Variants in IPO11 observed in about 807,000 individuals in gnomAD.
IPO11 encodes the protein importin-11.
In IPO11, 66 loss-of-function variants were observed where a neutral mutation model predicts 143.2. The ratio of observed to expected loss-of-function variants is 0.46; its 90% CI spans 0.38 to 0.57. The LOEUF is 0.57. Ranked by LOEUF, IPO11 falls within the 20% of genes least tolerant of loss-of-function variation. The pLI, the probability that IPO11 is intolerant of heterozygous loss-of-function variation, is 0.00. For missense variants in IPO11, 1,026 were observed against 1,141.0 expected, an observed-to-expected ratio of 0.90 and a Z score of 1.45; for synonymous variants, 385 against 377.8, an observed-to-expected ratio of 1.02 and a Z score of -0.22.
At chr5:62,481,015 A>C (rs973521770) in intron 9 of IPO11, among the ~76,000 whole-genome samples, 1 of 138,580 alleles carries the variant, frequency 7.2e-6, no homozygotes, top group Non-Finnish European at 1.5e-5. Context: ...TCCTGGGTTC[A>C]CACCATTCTC....
intron 28 of IPO11, among the ~76,000 whole-genome samples, chr5:62,599,672 C>T (rs995882087): frequency 2.6e-5 from 4 of 152,154 alleles, no homozygotes; most frequent in Middle Eastern, 3.2e-3. Context: ...TGGATCTATT[C>T]GGTGATTTCT....
intron 1 of IPO11, among the ~76,000 whole-genome samples, chr5:62,435,152 GTATATATATGTA>G (rs1335348902): frequency 7.0e-5 from 4 of 56,738 alleles, no homozygotes; most frequent in Admixed American, 1.8e-4. Context: ...ATGTATATAT[GTATATATATGTA>G]TATATATGTA....
At chr5:62,527,228 C>T (rs1319493814) in intron 21 of IPO11, among the ~76,000 whole-genome samples, 1 of 152,126 alleles carries the variant, frequency 6.6e-6, no homozygotes, top group African/African-American at 2.4e-5. Context: ...TATATTCAAA[C>T]ACTTATATTT....
chr5:62,578,189 G>T (rs1487388988), intron 27 of IPO11, among the ~76,000 whole-genome samples: 1 of 151,966 alleles, frequency 6.6e-6, no homozygotes, highest in African/African-American at 2.4e-5. Flanking sequence ...ACCAATTAGT[G>T]CGTTACTACT....
At chr5:62,523,679 G>A (rs1317182945) in intron 20 of IPO11, among the ~76,000 whole-genome samples, 1 of 152,194 alleles carries the variant, frequency 6.6e-6, no homozygotes, top group Non-Finnish European at 1.5e-5. Flanking sequence ...TGTCACTTGA[G>A]TTAGGAAATA....
At chr5:62,614,725 T>C (rs1440159571) in intron 29 of IPO11, among the ~76,000 whole-genome samples, 1 of 152,000 alleles carries the variant, frequency 6.6e-6, no homozygotes, top group Non-Finnish European at 1.5e-5. Context: ...TGTGTGTGTG[T>C]TACAGTCCAC....
chr5:62,544,750 A>G (rs1462105314), intron 24 of IPO11, among the ~76,000 whole-genome samples: 20 of 152,218 alleles, frequency 1.3e-4, no homozygotes, highest in Non-Finnish European at 2.6e-4. Context: ...AACTTCAGCA[A>G]AATCTCAGGA....
At chr5:62,574,471 G>C (rs964215643) in intron 27 of IPO11, among the ~76,000 whole-genome samples, 5 of 152,180 alleles carry the variant, frequency 3.3e-5, no homozygotes, top group African/African-American at 1.2e-4. Context: ...AATCTGCTGA[G>C]TGAGATTAGT....
intron 27 of IPO11, chr5:62,580,538 T>C (rs969688301): frequency 1.9e-5 from 29 of 1,551,344 alleles, no homozygotes; most frequent in Non-Finnish European, 2.4e-5. Flanking sequence ...AACTGCAAAC[T>C]TTTGGGCCTT....
intron 27 of IPO11, among the ~76,000 whole-genome samples, chr5:62,568,719 C>A (rs1048910179): frequency 2.0e-5 from 3 of 152,000 alleles, no homozygotes; most frequent in African/African-American, 7.2e-5. Context: ...ACATCTCCAT[C>A]TTTTCAGGAT....
chr5:62,586,230 C>G (rs1235869307), intron 27 of IPO11, among the ~76,000 whole-genome samples: 2 of 152,156 alleles, frequency 1.3e-5, no homozygotes, highest in Admixed American at 6.5e-5. Flanking sequence ...TTTAATTACA[C>G]ATATGTATTT....
intron 12 of IPO11, among the ~76,000 whole-genome samples, chr5:62,486,693 G>A (rs1399831892): frequency 1.3e-5 from 2 of 152,098 alleles, no homozygotes; most frequent in African/African-American, 4.8e-5. Flanking sequence ...TAACCAGAGA[G>A]ATTACTGGTG....
chr5:62,582,540 A>G, intron 27 of IPO11, among the ~76,000 whole-genome samples: 1 of 152,330 alleles, frequency 6.6e-6, no homozygotes, highest in Non-Finnish European at 1.5e-5. Flanking sequence ...GCGAGGTCTT[A>G]TGGTAAAGGC....
Position 62,627,271 on chromosome 5 carries a change from G to C in IPO11, c.2881G>C (p.Asp961His). 2 of 1,614,070 alleles carry C rather than the reference G, an allele frequency of 1.2e-6. No homozygotes were observed. The change falls in exon 30 of 30, where the codon GAT becomes CAT. Residue 961 changes from aspartate (D) to histidine (H), a missense_variant. This residue lies in a region of IPO11 where 351 missense variants were observed against 358.9 expected (regional missense o/e 0.98). Coordinates refer to ENST00000325324, the MANE Select transcript of IPO11 (RefSeq NM_016338.5). ...TTTCCAGTCCCTCATGGAAACAGTG[G>C]ATACGGAGATTGTCACCCAGCTACA... ...QGFQSLMETV[D>H]TEIVTQLQEF...
intron 1 of IPO11, among the ~76,000 whole-genome samples, chr5:62,428,148 T>C (rs1182869902): frequency 6.6e-6 from 1 of 152,194 alleles, no homozygotes; most frequent in African/African-American, 2.4e-5. Context: ...CTTTAATTTC[T>C]TGATCTTTTT....
chr5:62,523,660 AG>A (rs546131936), intron 20 of IPO11, among the ~76,000 whole-genome samples: 10 of 152,230 alleles, frequency 6.6e-5, no homozygotes, highest in Non-Finnish European at 1.5e-4. Flanking sequence ...CTAGGTAGAT[AG>A]TGATTCATGT....
At chr5:62,611,830 T>G (rs1745936700) in intron 29 of IPO11, among the ~76,000 whole-genome samples, 1 of 152,148 alleles carries the variant, frequency 6.6e-6, no homozygotes, top group Non-Finnish European at 1.5e-5. Context: ...ATTTCCTGTT[T>G]TTCTCTTCTG....
intron 5 of IPO11, among the ~76,000 whole-genome samples, chr5:62,453,691 G>T (rs1745022991): frequency 6.6e-6 from 1 of 152,118 alleles, no homozygotes; most frequent in Non-Finnish European, 1.5e-5. Flanking sequence ...AGACTGAGAG[G>T]TTTCTGAACC....
intron 5 of IPO11, among the ~76,000 whole-genome samples, chr5:62,460,152 A>C (rs1204171712): frequency 6.6e-6 from 1 of 152,256 alleles, no homozygotes; most frequent in African/African-American, 2.4e-5. Flanking sequence ...ATCCTGAAGA[A>C]GTAAAAAGTA....
Sources: gnomAD v4.1 joint callset for allele counts (sites outside exome capture counted in the v4.1 genomes callset) on GRCh38, gnomAD v4.1.1 for gene constraint, gnomAD v4.1.1 regional missense constraint, MANE v1.5 for transcripts, NCBI Gene and HGNC (gene_info 2026-07-23, HGNC 2026-07-21) for gene names.